Variants in OSBPL9 observed in about 807,000 individuals in gnomAD.
The protein encoded by OSBPL9 is oxysterol-binding protein-related protein 9.
In OSBPL9, 40 loss-of-function variants were observed where a neutral mutation model predicts 106.6. The ratio of observed to expected loss-of-function variants is 0.38; its 90% CI spans 0.29 to 0.49. The LOEUF (loss-of-function observed/expected upper bound fraction) is 0.49, where lower values mean the gene tolerates loss of function less well. Ranked by LOEUF, OSBPL9 falls within the 20% of genes least tolerant of loss-of-function variation. OSBPL9 has a pLI of 0.97. For missense variants in OSBPL9, 609 were observed against 887.2 expected (o/e 0.69, Z 3.98); for synonymous variants, 269 against 295.4 (o/e 0.91, Z 0.92).
At chr1:51,629,948 C>CAA (rs530932807) in intron 1 of OSBPL9, among the ~76,000 whole-genome samples, 1 of 143,484 alleles carries the variant, frequency 7.0e-6, no homozygotes, top group Non-Finnish European at 1.5e-5. Flanking sequence ...TATTCCATCT[C>CAA]AAAAAAAAAA....
chr1:51,642,777 G>C (rs1044385991), intron 1 of OSBPL9, among the ~76,000 whole-genome samples: 4 of 152,116 alleles, frequency 2.6e-5, no homozygotes, highest in African/African-American at 9.7e-5. Flanking sequence ...AACTGCTCCA[G>C]GCTGTAACCT....
At chr1:51,761,830 G>A (rs1348619660) in intron 10 of OSBPL9, 37 bp from the exon 11 acceptor site, 3 of 1,477,770 alleles carry the variant, frequency 2.0e-6, no homozygotes, top group Non-Finnish European at 2.8e-6. Flanking sequence ...GTGTTTGGCT[G>A]TTTCTGTACC....
intron 12 of OSBPL9, among the ~76,000 whole-genome samples, chr1:51,766,429 GCTAGGTTGATAT>G (rs1672568718): frequency 6.6e-6 from 1 of 152,136 alleles, no homozygotes; most frequent in African/African-American, 2.4e-5. Context: ...CAGGCACTGT[GCTAGGTTGATAT>G]CAAGGTTACA....
At chr1:51,786,378 G>A (rs1677635230) in intron 21 of OSBPL9, 148 bp from the exon 22 acceptor site, 1 of 598,696 alleles carries the variant, frequency 1.7e-6, no homozygotes, top group Admixed American at 3.0e-5. Context: ...TTCTTAAACA[G>A]AGGAAAGATG....
intron 7 of OSBPL9, 116 bp downstream of exon 7, chr1:51,748,514 A>AT: frequency 8.8e-7 from 1 of 1,141,146 alleles, no homozygotes; most frequent in Non-Finnish European, 1.1e-6. Context: ...TTTTATGAAT[A>AT]TTATACAGGG....
the OSBPL9 span, among the ~76,000 whole-genome samples, chr1:51,525,720 C>T: frequency 6.6e-6 from 1 of 152,216 alleles, no homozygotes; most frequent in Non-Finnish European, 1.5e-5. Context: ...AACATCCCTA[C>T]TTCCATGATT....
chr1:51,555,288 G>A, the OSBPL9 span, among the ~76,000 whole-genome samples: 2 of 151,886 alleles, frequency 1.3e-5, no homozygotes, highest in East Asian at 2.0e-4. Context: ...TCAGGAGTTC[G>A]AGACCAGCCT....
At chr1:51,634,061 G>C (rs1261170608) in intron 1 of OSBPL9, among the ~76,000 whole-genome samples, 1 of 152,234 alleles carries the variant, frequency 6.6e-6, no homozygotes, top group Non-Finnish European at 1.5e-5. Flanking sequence ...TTAGGACTAA[G>C]CATCTGAAAT....
intron 1 of OSBPL9, among the ~76,000 whole-genome samples, chr1:51,637,193 A>G (rs1222047072): frequency 2.0e-5 from 3 of 152,194 alleles, no homozygotes; most frequent in African/African-American, 4.8e-5. Flanking sequence ...TTCCTCAGTT[A>G]TAAAATGAGT....
intron 15 of OSBPL9, among the ~76,000 whole-genome samples, chr1:51,780,266 G>T (rs947552841): frequency 6.6e-6 from 1 of 151,826 alleles, no homozygotes; most frequent in Admixed American, 6.6e-5. Flanking sequence ...TACACTGCTG[G>T]TGGGAATGTA....
At chr1:51,760,552 C>G in intron 9 of OSBPL9, 138 bp from the exon 10 acceptor site, 1 of 1,246,204 alleles carries the variant, frequency 8.0e-7, no homozygotes, top group Non-Finnish European at 1.1e-6. Flanking sequence ...AAAGGTGTTT[C>G]ATTCCCTCTT....
chr1:51,549,867 A>T, the OSBPL9 span, among the ~76,000 whole-genome samples: 10 of 152,038 alleles, frequency 6.6e-5, no homozygotes, highest in African/African-American at 2.4e-4. Context: ...TTAAAAAGGC[A>T]TTTTTTTTCC....
intron 2 of OSBPL9, among the ~76,000 whole-genome samples, chr1:51,598,450 G>A (rs1645313074): frequency 1.3e-5 from 2 of 152,240 alleles, no homozygotes; most frequent in African/African-American, 4.8e-5. Context: ...TTCTGTGTGT[G>A]GTGGTAGTGG....
intron 2 of OSBPL9, among the ~76,000 whole-genome samples, chr1:51,600,373 C>T (rs1422487412): frequency 6.6e-6 from 1 of 152,106 alleles, no homozygotes; most frequent in African/African-American, 2.4e-5. Flanking sequence ...TCATTGAGGC[C>T]ATATCATGAT....
At chr1:51,597,502 TAC>T (rs886446945) in intron 1 of OSBPL9, among the ~76,000 whole-genome samples, 1 of 150,716 alleles carries the variant, frequency 6.6e-6, no homozygotes, top group African/African-American at 2.4e-5. Context: ...TATATATATA[TAC>T]ACACACACAT....
chr1:51,601,606 A>G (rs181883668), intron 2 of OSBPL9, among the ~76,000 whole-genome samples: 4 of 152,340 alleles, frequency 2.6e-5, no homozygotes, highest in African/African-American at 9.6e-5. Context: ...TCATTCTGGG[A>G]AACCCCAAAG....
the OSBPL9 span, among the ~76,000 whole-genome samples, chr1:51,521,373 G>A: frequency 1.3e-5 from 2 of 152,172 alleles, no homozygotes; most frequent in African/African-American, 2.4e-5. Flanking sequence ...CAAACCATAT[G>A]AGATGTAAGA....
upstream of OSBPL9, among the ~76,000 whole-genome samples, chr1:51,575,853 C>T (rs190453783): frequency 3.3e-5 from 5 of 152,300 alleles, no homozygotes; most frequent in East Asian, 9.6e-4. Flanking sequence ...AGGAAAGTAA[C>T]ATTTTTATTA....
chr1:51,709,952 A>G (rs1329693350), intron 3 of OSBPL9: 1 of 152,308 alleles, frequency 6.6e-6, no homozygotes, highest in Non-Finnish European at 1.5e-5. Flanking sequence ...CTAAGTGCAT[A>G]TGTCTCCTCC....
Sources: allele counts gnomAD v4.1 joint callset (sites outside exome capture counted in the v4.1 genomes callset), GRCh38; gene constraint gnomAD v4.1.1; transcripts MANE v1.5; gene names NCBI Gene and HGNC (gene_info 2026-07-23, HGNC 2026-07-21).